PDE8B: variants seen among roughly 807,000 people sequenced by gnomAD.
The protein encoded by PDE8B is phosphodiesterase 8B, also known as high affinity cAMP-specific and IBMX-insensitive 3',5'-cyclic phosphodiesterase 8B.
In PDE8B, 26 loss-of-function variants were observed where a neutral mutation model predicts 101.3. The observed-to-expected ratio is 0.26, with a 90% CI of 0.19 to 0.36. The LOEUF is 0.36. Among genes scored for constraint, PDE8B ranks in the 10% least tolerant of loss-of-function variants. The pLI is 1.00. For missense variants in PDE8B, 810 were observed against 1,163.1 expected (o/e 0.70, Z 4.42); for synonymous variants, 424 against 429.3 (o/e 0.99, Z 0.15).
At chr5:77,210,504 A>G (rs1347770956), upstream of PDE8B, 3 of 410,550 alleles carry the variant, frequency 7.3e-6, no homozygotes, top group African/African-American at 4.4e-5. This position sits in a 1 kb window ranked among gnomAD's most constrained non-coding sequence, Gnocchi z 4.9. Context: ...AGGTGCAGGC[A>G]GGCGGGCAGG....
intron 10 of PDE8B, among the ~76,000 whole-genome samples, chr5:77,377,290 T>G (rs1206015749): frequency 6.6e-6 from 1 of 152,214 alleles, no homozygotes; most frequent in East Asian, 1.9e-4. Flanking sequence ...AGAACCAGCA[T>G]GATCTGGGCC....
At position 77,287,575 on chromosome 5, in the gene PDE8B, G is replaced by A. The variant is rs922948053; in HGVS notation, c.340-24419G>A. ...GACGCGTTCTCTCTAATCCTACTGA[G>A]AGTGAAATTACATGTATGTGACACC... On this transcript the variant is annotated intron_variant, in intron 1 of 21. Transcript: ENST00000264917. 2.6e-5 allele frequency among the ~76,000 whole-genome samples: 4 copies of A among 151,900 alleles called. No homozygotes were observed. In the East Asian group the frequency reaches 7.7e-4, roughly 29 times the overall value.
Position 77,415,004 on chromosome 5 carries a change from G to A in PDE8B, c.1911+1695G>A, listed in dbSNP as rs551557370. On this transcript the variant is annotated intron_variant, in intron 17 of 21. Transcript: ENST00000264917. ...TGTGAGTTCTGCTAGTGTATTTGGA[G>A]TCTGATTAGATTTCTCAAATGACAG... 5.9e-5 allele frequency among the ~76,000 whole-genome samples: 9 copies of A among 152,298 alleles called. No individual in the cohort carries two copies. In the South Asian group the frequency reaches 1.2e-3, roughly 21 times the overall value.
the PDE8B span, among the ~76,000 whole-genome samples, chr5:77,176,166 C>T: frequency 3.3e-5 from 5 of 152,108 alleles, 1 homozygote; most frequent in South Asian, 8.3e-4. Context: ...GACCAGAAAC[C>T]GACTAGCCAC....
intron 2 of PDE8B, among the ~76,000 whole-genome samples, chr5:77,319,344 T>C (rs1212858103): frequency 6.6e-6 from 1 of 152,254 alleles, no homozygotes; most frequent in African/African-American, 2.4e-5. Context: ...CATAACTTTT[T>C]TTAGCCAAAG....
At chr5:77,181,874 G>T in the PDE8B span, among the ~76,000 whole-genome samples, 1 of 152,182 alleles carries the variant, frequency 6.6e-6, no homozygotes, top group Non-Finnish European at 1.5e-5. Flanking sequence ...CAGGGGAGGC[G>T]AGGGCCAGAG....
chr5:77,370,381 G>C (rs1469816029), intron 10 of PDE8B, among the ~76,000 whole-genome samples: 4 of 152,178 alleles, frequency 2.6e-5, no homozygotes, highest in Non-Finnish European at 5.9e-5. Context: ...AGTTTTGCCT[G>C]TTCTAGAATT....
At chr5:77,114,925 A>G in the PDE8B span, 1 of 152,244 alleles carries the variant, frequency 6.6e-6, no homozygotes, top group African/African-American at 2.4e-5. Context: ...GAAGAGGCAC[A>G]TAACTCATTA....
chr5:77,272,983 G>A (rs893053459), intron 1 of PDE8B, among the ~76,000 whole-genome samples: 9 of 152,166 alleles, frequency 5.9e-5, no homozygotes, highest in Non-Finnish European at 8.8e-5. Flanking sequence ...TAATTGCTAC[G>A]ACGTCAGTTA....
chr5:77,249,454 A>G (rs1009690927), intron 1 of PDE8B, among the ~76,000 whole-genome samples: 2 of 152,228 alleles, frequency 1.3e-5, no homozygotes, highest in Admixed American at 6.5e-5. Context: ...AAGACTGTGT[A>G]GACTCAGGGA....
chr5:77,398,155 A>C (rs1791465343), intron 10 of PDE8B, among the ~76,000 whole-genome samples: 1 of 152,022 alleles, frequency 6.6e-6, no homozygotes, highest in Non-Finnish European at 1.5e-5. Context: ...TAAATGGAGA[A>C]ACAGAATTTG....
intron 21 of PDE8B, 26 bp from the exon 22 acceptor site, chr5:77,426,416 TTTC>T (rs1798160499): frequency 6.8e-7 from 1 of 1,472,368 alleles, no homozygotes; most frequent in Middle Eastern, 1.7e-4. Context: ...AGTTCACCGG[TTTC>T]TTTTGATTCT....
intron 1 of PDE8B, among the ~76,000 whole-genome samples, chr5:77,285,368 A>G (rs1417295878): frequency 2.6e-5 from 4 of 152,302 alleles, no homozygotes; most frequent in African/African-American, 9.6e-5. Flanking sequence ...TATAACGAAG[A>G]TCTGTGGGCA....
At chr5:77,208,015 A>C (rs1164850952), upstream of PDE8B, among the ~76,000 whole-genome samples, 1 of 152,208 alleles carries the variant, frequency 6.6e-6, no homozygotes, top group East Asian at 1.9e-4. Flanking sequence ...TGAACTGTTC[A>C]GTTAACCCAC....
intron 1 of PDE8B, among the ~76,000 whole-genome samples, chr5:77,296,919 C>T (rs844274): frequency 0.17 from 25,461 of 152,154 alleles, 2,313 homozygotes; most frequent in Non-Finnish European, 0.21. Flanking sequence ...TGGTCTTCTG[C>T]TGTGAGTGAT....
chr5:77,107,065 C>G, the PDE8B span, among the ~76,000 whole-genome samples: 8 of 152,032 alleles, frequency 5.3e-5, no homozygotes, highest in Non-Finnish European at 1.5e-5. Flanking sequence ...CCCTACCCTA[C>G]GACAGGCCCC....
At chr5:77,092,425 G>A in the PDE8B span, 2 of 152,002 alleles carry the variant, frequency 1.3e-5, no homozygotes, top group Non-Finnish European at 2.9e-5. Context: ...TGCTTTCTTG[G>A]TAGTGGCAGT....
chr5:77,129,752 A>G, the PDE8B span, among the ~76,000 whole-genome samples: 35 of 152,098 alleles, frequency 2.3e-4, no homozygotes, highest in Non-Finnish European at 1.5e-5. Context: ...TGACCTTCAC[A>G]CTAGCTCTGG....
At chr5:77,297,971 C>T (rs1405336183) in intron 1 of PDE8B, among the ~76,000 whole-genome samples, 1 of 152,196 alleles carries the variant, frequency 6.6e-6, no homozygotes, top group Non-Finnish European at 1.5e-5. Context: ...CTCTGCTCCC[C>T]ACTCCTGTCT....
Sources: gnomAD v4.1 joint callset for allele counts (sites outside exome capture counted in the v4.1 genomes callset) on GRCh38, gnomAD v4.1.1 for gene constraint, Gnocchi (gnomAD v3.1) non-coding constraint, MANE v1.5 for transcripts, NCBI Gene and HGNC (gene_info 2026-07-23, HGNC 2026-07-21) for gene names.